VPS13B: variants seen among roughly 807,000 people sequenced by gnomAD.
VPS13B encodes vacuolar protein sorting 13 homolog B.
In VPS13B, 285 loss-of-function variants were observed where a neutral mutation model predicts 426.4. The ratio of observed to expected loss-of-function variants is 0.67; its 90% CI spans 0.61 to 0.74. VPS13B has a LOEUF of 0.74. Ranked by LOEUF, VPS13B falls within the 30% of genes least tolerant of loss-of-function variation. The probability of loss-of-function intolerance (pLI) is 0.00; values close to 1 mark genes in which losing one functional copy is unlikely to be tolerated. For synonymous variants in VPS13B, 1,676 were observed against 1,676.4 expected, an observed-to-expected ratio of 1.00 and a Z score of 0.01; for missense variants, 4,537 against 4,782.6, an observed-to-expected ratio of 0.95 and a Z score of 1.51.
chr8:99,272,353 G>T (rs1420183957), intron 17 of VPS13B, among the ~76,000 whole-genome samples: 2 of 152,028 alleles, frequency 1.3e-5, no homozygotes, highest in Admixed American at 6.6e-5. Flanking sequence ...GTTGTCCTCT[G>T]GGCAAAAATT....
At chr8:99,565,398 AT>A (rs1028508378) in intron 31 of VPS13B, among the ~76,000 whole-genome samples, 2 of 151,790 alleles carry the variant, frequency 1.3e-5, no homozygotes, top group Non-Finnish European at 2.9e-5. Context: ...AATTTTAAAA[AT>A]TGTTGTTACT....
chr8:99,400,479 A>G (rs2133333740), intron 21 of VPS13B, among the ~76,000 whole-genome samples: 1 of 152,350 alleles, frequency 6.6e-6, no homozygotes, highest in South Asian at 2.1e-4. Context: ...GTGCACGCCT[A>G]CCAGTAATTT....
Position 99,743,121 on chromosome 8 carries a change from A to G in VPS13B, c.7050+22074A>G, listed in dbSNP as rs180689180. On this transcript the variant is annotated intron_variant, in intron 39 of 61. Coordinates refer to ENST00000357162, the MANE Select transcript of VPS13B (RefSeq NM_152564.5). ...TCTCCTTAAGCTGATAGGCAACTTC[A>G]GCAAAGTCTCACGATACAAAATCAC... 3.6e-4 allele frequency among the ~76,000 whole-genome samples: 55 copies of G among 152,366 alleles called. 2 individuals are homozygous for G. The East Asian group carries it at 0.01, about 28-fold the overall frequency.
At chr8:99,180,281 A>G (rs1239654348) in intron 16 of VPS13B, among the ~76,000 whole-genome samples, 2 of 152,200 alleles carry the variant, frequency 1.3e-5, no homozygotes, top group Admixed American at 6.5e-5. Context: ...TCGAGCAAGT[A>G]TAGTATATAG....
Position 99,554,477 on chromosome 8 carries a change from C to T in VPS13B, c.4746-1973C>T, listed in dbSNP as rs555361103. ...TATTGCTGTGTACAGATAGGTTCTC[C>T]GCCTGAGATTTGTAAAGATTTATGT... On this transcript the variant is annotated intron_variant, in intron 30 of 61. Coordinates refer to ENST00000357162, the MANE Select transcript of VPS13B (RefSeq NM_152564.5). Among the ~76,000 whole-genome samples the T allele has an allele frequency of 2.0e-4, 30 of 152,104 alleles. No individual in the cohort carries two copies. The South Asian group carries it at 2.7e-3, about 14-fold the overall frequency.
intron 34 of VPS13B, among the ~76,000 whole-genome samples, chr8:99,656,412 T>C (rs758925949): frequency 2.6e-5 from 4 of 152,216 alleles, no homozygotes; most frequent in Non-Finnish European, 5.9e-5. Context: ...CTTGAATACA[T>C]CCAGAAGAGG....
intron 2 of VPS13B, among the ~76,000 whole-genome samples, chr8:99,028,824 G>T (rs1842318867): frequency 1.7e-5 from 1 of 60,362 alleles, no homozygotes; most frequent in Non-Finnish European, 3.3e-5. Flanking sequence ...CTCCCAGATG[G>T]GGCGGCTGGC....
chr8:99,240,483 A>G (rs1192121427), intron 17 of VPS13B, among the ~76,000 whole-genome samples: 2 of 152,232 alleles, frequency 1.3e-5, no homozygotes, highest in Non-Finnish European at 2.9e-5. Flanking sequence ...GTTCATCTAA[A>G]GTACATATGA....
intron 39 of VPS13B, among the ~76,000 whole-genome samples, chr8:99,754,085 G>GTTTTTTTTTTTTTTTTTTTTT: frequency 8.3e-6 from 1 of 121,154 alleles, no homozygotes; most frequent in Non-Finnish European, 1.7e-5. Context: ...TAGTATAAGG[G>GTTTTTTTTTTTTTTTTTTTTT]TTTTTTTTTT....
chr8:99,557,106 T>G (rs1437696906), intron 31 of VPS13B, among the ~76,000 whole-genome samples: 1 of 152,116 alleles, frequency 6.6e-6, no homozygotes, highest in Non-Finnish European at 1.5e-5. Context: ...TCCATCCACT[T>G]TAACTAAAAG....
intron 3 of VPS13B, among the ~76,000 whole-genome samples, chr8:99,092,353 T>G (rs997828288): frequency 6.6e-6 from 1 of 152,174 alleles, no homozygotes; most frequent in African/African-American, 2.4e-5. Flanking sequence ...GCAACCTAAA[T>G]AAGATATGAC....
intron 54 of VPS13B, among the ~76,000 whole-genome samples, chr8:99,842,924 A>C (rs1052611607): frequency 1.3e-5 from 2 of 152,110 alleles, no homozygotes; most frequent in African/African-American, 4.8e-5. Context: ...AGATTAAGAC[A>C]GGCAGATTGC....
At chr8:99,074,284 A>T (rs1380383819) in intron 3 of VPS13B, among the ~76,000 whole-genome samples, 1 of 152,072 alleles carries the variant, frequency 6.6e-6, no homozygotes, top group Non-Finnish European at 1.5e-5. Flanking sequence ...GGATTTTATC[A>T]AATGCATTTT....
At chr8:99,202,848 T>C (rs1312400393) in intron 17 of VPS13B, among the ~76,000 whole-genome samples, 1 of 151,350 alleles carries the variant, frequency 6.6e-6, no homozygotes, top group South Asian at 2.1e-4. Context: ...GCTAACACGG[T>C]GAAACCCTGT....
intron 30 of VPS13B, among the ~76,000 whole-genome samples, chr8:99,540,717 T>C (rs1213299347): frequency 2.0e-5 from 3 of 152,226 alleles, no homozygotes; most frequent in Non-Finnish European, 2.9e-5. Context: ...ATTATCTCAG[T>C]TTCTTTTGTA....
intron 61 of VPS13B, 183 bp from the exon 62 acceptor site, chr8:99,875,235 T>C (rs1021835229): frequency 4.1e-5 from 34 of 821,040 alleles, no homozygotes; most frequent in Middle Eastern, 7.4e-4. Flanking sequence ...TCAGTTATAC[T>C]GCTAAAACTG....
chr8:99,848,230 C>A (rs532974795), intron 54 of VPS13B, among the ~76,000 whole-genome samples: 14 of 152,140 alleles, frequency 9.2e-5, no homozygotes, highest in Admixed American at 2.0e-4. Flanking sequence ...TTACTCCGAG[C>A]AAATTAACTT....
rs370235149 is a variant in VPS13B, at chr8:99,832,341, A to ATTTTTTT, written c.9331-9_9331-3dup. 1.2e-3 allele frequency: 1,381 copies of ATTTTTTT among 1,193,546 alleles called. 22 individuals are homozygous for ATTTTTTT. The African/African-American group carries it at 0.012, about 10-fold the overall frequency. The allele number at this position is 1,193,546 out of a possible 1,614,324, so 73.9% of individuals were successfully genotyped here. A position where few individuals can be genotyped will look rare whatever the true frequency, so the allele number is the denominator to read the frequency against. ...TTACTGTAGCTAATGTGCTCTCTGC[A>ATTTTTTT]TTTTTTTTTTTTTTTTTTTTTTTTT... On this transcript the variant is annotated intron_variant, in intron 51 of 61. Coordinates refer to ENST00000357162, the MANE Select transcript of VPS13B (RefSeq NM_152564.5).
At chr8:99,806,699 T>C (rs1254048049) in intron 43 of VPS13B, among the ~76,000 whole-genome samples, 1 of 152,258 alleles carries the variant, frequency 6.6e-6, no homozygotes. Flanking sequence ...TTTTTGTGCC[T>C]GATTTTATGC....
Sources: gnomAD v4.1 joint callset for allele counts (sites outside exome capture counted in the v4.1 genomes callset) on GRCh38, gnomAD v4.1.1 for gene constraint, MANE v1.5 for transcripts, NCBI Gene and HGNC (gene_info 2026-07-23, HGNC 2026-07-21) for gene names.